MAPT: variants seen among roughly 807,000 people sequenced by gnomAD.
MAPT encodes the protein microtubule associated protein tau.
Under a neutral mutation model 67.9 loss-of-function variants are expected in MAPT, and 34 were observed. The observed-to-expected ratio is 0.50, with a 90% CI of 0.38 to 0.67. The LOEUF is 0.67. Ranked by LOEUF, MAPT falls within the 30% of genes least tolerant of loss-of-function variation. The pLI is 0.00. For missense variants in MAPT, 881 were observed against 1,115.2 expected, an observed-to-expected ratio of 0.79 and a Z score of 2.99; for synonymous variants, 456 against 464.5, an observed-to-expected ratio of 0.98 and a Z score of 0.23.
At chr17:45,991,728 C>A (rs1041418023) in intron 8 of MAPT, 142 bp downstream of exon 8, 29 of 994,240 alleles carry the variant, frequency 2.9e-5, no homozygotes, top group Admixed American at 4.3e-5. Flanking sequence ...GCACTGGAGT[C>A]TTCATTGCCT....
At chr17:45,960,544 T>A (rs888327621) in intron 1 of MAPT, among the ~76,000 whole-genome samples, 2 of 152,274 alleles carry the variant, frequency 1.3e-5, no homozygotes, top group African/African-American at 4.8e-5. Context: ...AGTAATCGTT[T>A]CTGGGCAGAG....
chr17:45,927,008 T>TAC (rs1198901576), intron 1 of MAPT, among the ~76,000 whole-genome samples: 2 of 151,532 alleles, frequency 1.3e-5, no homozygotes, highest in East Asian at 1.9e-4. Context: ...CACATATATA[T>TAC]ACACACACAC....
At chr17:45,999,323 C>T (rs1337799764) in intron 9 of MAPT, 2 of 1,613,888 alleles carry the variant, frequency 1.2e-6, no homozygotes, top group African/African-American at 1.3e-5. Flanking sequence ...TTTGCAGCCC[C>T]CACAAGACTG....
At chr17:45,977,730 C>T (rs1339067631) in intron 3 of MAPT, 3 of 153,170 alleles carry the variant, frequency 2.0e-5, no homozygotes, top group African/African-American at 7.2e-5. Context: ...CCGTTCAGGA[C>T]ATTCTGCGAA....
At chr17:45,899,228 A>G (rs576258526) in intron 1 of MAPT, among the ~76,000 whole-genome samples, 11 of 152,258 alleles carry the variant, frequency 7.2e-5, no homozygotes, top group Admixed American at 5.9e-4. Context: ...GGAGGGTGCT[A>G]CTGACATCTT....
intron 1 of MAPT, among the ~76,000 whole-genome samples, chr17:45,926,807 T>G (rs2066337833): frequency 6.6e-6 from 1 of 151,960 alleles, no homozygotes; most frequent in African/African-American, 2.4e-5. Context: ...GAAACATTAC[T>G]TCCCCCAGGA....
At chr17:45,980,888 T>C (rs1347644898) in intron 4 of MAPT, among the ~76,000 whole-genome samples, 1 of 152,152 alleles carries the variant, frequency 6.6e-6, no homozygotes, top group Admixed American at 6.5e-5. Context: ...GACAAAGGGC[T>C]CCCATAAGGC....
At chr17:45,942,566 C>A (rs2068096088) in intron 1 of MAPT, among the ~76,000 whole-genome samples, 2 of 152,226 alleles carry the variant, frequency 1.3e-5, no homozygotes, top group Non-Finnish European at 2.9e-5. Flanking sequence ...GAATCTAGAA[C>A]TAGCTCCAGG....
At position 46,018,748 on chromosome 17, in the gene MAPT, G is replaced by A; in HGVS notation, c.2286+18G>A. ...ATAAAAAGGTAAAGGGGGTAGGGTG[G>A]GTTGGATGCTGCCCTTGGGTATATG... On this transcript the variant is annotated intron_variant, in intron 12 of 12. Coordinates refer to ENST00000262410, the MANE Select transcript of MAPT (RefSeq NM_001377265.1). 6.4e-7 allele frequency: 1 copy of A among 1,554,294 alleles called. No individual in the cohort carries two copies. The highest frequency in any genetic ancestry group is 8.9e-7 in the Non-Finnish European group (1 of 1,125,350).
intron 2 of MAPT, among the ~76,000 whole-genome samples, chr17:45,965,138 A>G (rs961524484): frequency 2.0e-5 from 3 of 152,104 alleles, no homozygotes; most frequent in Admixed American, 6.5e-5. Flanking sequence ...CATGATTAAT[A>G]GTGCTGCTTT....
intron 1 of MAPT, among the ~76,000 whole-genome samples, chr17:45,912,842 G>A (rs1280265702): frequency 6.6e-6 from 1 of 152,202 alleles, no homozygotes; most frequent in East Asian, 1.9e-4. Context: ...AAAGAAAGAG[G>A]CTTTTGAAAT....
intron 1 of MAPT, among the ~76,000 whole-genome samples, chr17:45,927,130 C>T (rs1356982811): frequency 6.6e-6 from 1 of 151,822 alleles, no homozygotes; most frequent in Non-Finnish European, 1.5e-5. Flanking sequence ...ATTATTTGTG[C>T]AACTTTTCTT....
chr17:46,023,733 C>T (rs1187986935), intron 12 of MAPT, among the ~76,000 whole-genome samples: 1 of 152,004 alleles, frequency 6.6e-6, no homozygotes, highest in Non-Finnish European at 1.5e-5. Context: ...CCCAGCTACT[C>T]GGGAGGCTGA....
chr17:46,020,344 CT>C (rs976495127), intron 12 of MAPT, among the ~76,000 whole-genome samples: 4 of 152,228 alleles, frequency 2.6e-5, no homozygotes, highest in African/African-American at 9.6e-5. Context: ...CTGTCTAGGC[CT>C]GGCACAGGAT....
intron 3 of MAPT, chr17:45,972,230 C>T: frequency 1.6e-6 from 1 of 612,648 alleles, no homozygotes; most frequent in Non-Finnish European, 3.0e-6. Flanking sequence ...TCCTCCCACA[C>T]CCCCTTCAAA....
intron 1 of MAPT, among the ~76,000 whole-genome samples, chr17:45,905,510 A>G (rs1388944694): frequency 6.6e-6 from 1 of 152,238 alleles, no homozygotes; most frequent in East Asian, 1.9e-4. Flanking sequence ...TTTAATCAGT[A>G]GGATTCATAA....
intron 1 of MAPT, among the ~76,000 whole-genome samples, chr17:45,949,549 T>C (rs549013342): frequency 6.6e-6 from 1 of 152,336 alleles, no homozygotes; most frequent in South Asian, 2.1e-4. Flanking sequence ...TTACTAGCTG[T>C]GTGACCCTAA....
intron 10 of MAPT, among the ~76,000 whole-genome samples, chr17:46,012,973 T>C (rs747152): frequency 0.14 from 21,794 of 152,088 alleles, 2,129 homozygotes; most frequent in Non-Finnish European, 0.22. Flanking sequence ...CACACATGGG[T>C]CTCAGCCATC....
intron 2 of MAPT, among the ~76,000 whole-genome samples, chr17:45,962,911 C>G (rs1268340770): frequency 6.7e-6 from 1 of 150,020 alleles, no homozygotes; most frequent in Admixed American, 6.7e-5. Flanking sequence ...AGCAACAGAG[C>G]AAGACCCTGT....
Sources: gnomAD v4.1 joint callset for allele counts (sites outside exome capture counted in the v4.1 genomes callset) on GRCh38, gnomAD v4.1.1 for gene constraint, MANE v1.5 for transcripts, NCBI Gene and HGNC (gene_info 2026-07-23, HGNC 2026-07-21) for gene names.